The following ENTREP2 variants were observed in gnomAD, a reference collection of about 807,000 sequenced individuals.
ENTREP2 encodes protein ENTREP2.
the ENTREP2 span, among the ~76,000 whole-genome samples, chr15:29,296,440 G>A: frequency 6.6e-6 from 1 of 152,052 alleles, no homozygotes; most frequent in Non-Finnish European, 1.5e-5. Context: ...AAAAACACAT[G>A]AAATCCTCAG....
the ENTREP2 span, among the ~76,000 whole-genome samples, chr15:29,539,173 TTGAGAGGGATCC>T: frequency 6.7e-6 from 1 of 148,840 alleles, no homozygotes; most frequent in African/African-American, 2.5e-5. Context: ...GCAAGCACAG[TTGAGAGGGATCC>T]TGAGTCTCCC....
chr15:29,399,261 A>G, the ENTREP2 span, among the ~76,000 whole-genome samples: 1 of 152,236 alleles, frequency 6.6e-6, no homozygotes, highest in Non-Finnish European at 1.5e-5. Context: ...CCCTGAGGAC[A>G]GGACCCAATT....
chr15:29,293,627 C>A, the ENTREP2 span, among the ~76,000 whole-genome samples: 1 of 152,146 alleles, frequency 6.6e-6, no homozygotes, highest in South Asian at 2.1e-4. Context: ...GCAAGCAGGC[C>A]CAGAAGCAGG....
At chr15:29,444,242 GAAAGAA>G in the ENTREP2 span, among the ~76,000 whole-genome samples, 57 of 139,806 alleles carry the variant, frequency 4.1e-4, no homozygotes, top group African/African-American at 1.3e-3. Context: ...AAGAAAGAAA[GAAAGAA>G]AGAGAAAGAG....
the ENTREP2 span, among the ~76,000 whole-genome samples, chr15:29,136,664 G>GT: frequency 3.9e-3 from 519 of 134,446 alleles, no homozygotes; most frequent in East Asian, 5.6e-3. Context: ...TTGCACTTTT[G>GT]TTTTTTTTTT....
At chr15:29,575,795 C>T in the ENTREP2 span, among the ~76,000 whole-genome samples, 1 of 152,028 alleles carries the variant, frequency 6.6e-6, no homozygotes, top group African/African-American at 2.4e-5. Flanking sequence ...TAAATTTAAC[C>T]AAGGAAGTGA....
At chr15:29,428,232 G>C in the ENTREP2 span, among the ~76,000 whole-genome samples, 2 of 152,254 alleles carry the variant, frequency 1.3e-5, no homozygotes, top group East Asian at 3.9e-4. Flanking sequence ...TTGTTTGTTT[G>C]AGACAGAGTC....
the ENTREP2 span, among the ~76,000 whole-genome samples, chr15:29,138,619 ATGTG>A: frequency 7.3e-4 from 103 of 140,862 alleles, 2 homozygotes; most frequent in East Asian, 0.017. Context: ...GTTTGTATGT[ATGTG>A]TATGTGCATG....
At chr15:29,495,629 T>G in the ENTREP2 span, among the ~76,000 whole-genome samples, 1 of 152,160 alleles carries the variant, frequency 6.6e-6, no homozygotes, top group South Asian at 2.1e-4. Flanking sequence ...TGCATGAGGA[T>G]ATCCAGTTTT....
chr15:29,153,945 C>G, the ENTREP2 span, among the ~76,000 whole-genome samples: 3 of 152,164 alleles, frequency 2.0e-5, no homozygotes, highest in African/African-American at 7.2e-5. Context: ...TAACTGAGAC[C>G]ACACATGCAT....
chr15:29,323,831 G>C, the ENTREP2 span, among the ~76,000 whole-genome samples: 54 of 152,156 alleles, frequency 3.5e-4, no homozygotes, highest in Admixed American at 2.6e-4. Flanking sequence ...TGTGAGAGCA[G>C]AGGAAAAACA....
At chr15:29,126,372 G>GCA in the ENTREP2 span, 5 of 1,544,360 alleles carry the variant, frequency 3.2e-6, no homozygotes, top group Non-Finnish European at 3.5e-6. Context: ...GGAGACACAT[G>GCA]GCCAGGGGGA....
At chr15:29,222,572 G>A in the ENTREP2 span, among the ~76,000 whole-genome samples, 8 of 152,070 alleles carry the variant, frequency 5.3e-5, no homozygotes, top group Non-Finnish European at 7.4e-5. Flanking sequence ...CATGCTGAGT[G>A]GACCACGTTT....
the ENTREP2 span, among the ~76,000 whole-genome samples, chr15:29,148,435 G>C: frequency 4.5e-4 from 69 of 152,314 alleles, no homozygotes; most frequent in African/African-American, 1.6e-3. Flanking sequence ...AATCGGTGGA[G>C]GGTGAAGTCT....
At chr15:29,495,471 T>G in the ENTREP2 span, among the ~76,000 whole-genome samples, 1 of 152,232 alleles carries the variant, frequency 6.6e-6, no homozygotes. Flanking sequence ...ACTGCTAAGA[T>G]CCATCTTATT....
the ENTREP2 span, among the ~76,000 whole-genome samples, chr15:29,626,694 G>A: frequency 6.6e-6 from 1 of 151,822 alleles, no homozygotes; most frequent in Non-Finnish European, 1.5e-5. Flanking sequence ...TTATTTTACT[G>A]ACTGAAAACT....
the ENTREP2 span, among the ~76,000 whole-genome samples, chr15:29,215,930 C>A: frequency 2.0e-5 from 3 of 152,102 alleles, no homozygotes; most frequent in Non-Finnish European, 2.9e-5. Flanking sequence ...TTAAGGGGAG[C>A]ATTTAGGCTA....
the ENTREP2 span, chr15:29,233,844 G>T: frequency 1.3e-6 from 2 of 1,583,082 alleles, no homozygotes; most frequent in South Asian, 2.2e-5. Flanking sequence ...GGAGTAGAAT[G>T]AGGGCTTTCT....
At chr15:29,418,103 G>A in the ENTREP2 span, among the ~76,000 whole-genome samples, 1 of 152,180 alleles carries the variant, frequency 6.6e-6, no homozygotes, top group Admixed American at 6.5e-5. Flanking sequence ...CCACTGTGAA[G>A]TCTAAGTTAT....
Sources: allele counts gnomAD v4.1 joint callset (sites outside exome capture counted in the v4.1 genomes callset), GRCh38; gene constraint gnomAD v4.1.1; transcripts MANE v1.5; gene names NCBI Gene and HGNC (gene_info 2026-07-23, HGNC 2026-07-21).